The following SORCS1 variants were observed in gnomAD, a reference collection of about 807,000 sequenced individuals.
SORCS1 encodes the protein VPS10 domain-containing receptor SorCS1.
Under a neutral mutation model 146.1 loss-of-function variants are expected in SORCS1, and 60 were observed. That is an observed-to-expected ratio of 0.41 (90% CI 0.33 to 0.51). The LOEUF (loss-of-function observed/expected upper bound fraction) is 0.51, where lower values mean the gene tolerates loss of function less well. Ranked by LOEUF, SORCS1 falls within the 20% of genes least tolerant of loss-of-function variation. The pLI, the probability that SORCS1 is intolerant of heterozygous loss-of-function variation, is 0.21. For missense variants in SORCS1, 1,352 were observed against 1,487.6 expected (o/e 0.91, Z 1.50); for synonymous variants, 637 against 584.0 (o/e 1.09, Z -1.31).
intron 3 of SORCS1, among the ~76,000 whole-genome samples, chr10:106,803,521 G>T (rs1173470150): frequency 6.6e-6 from 1 of 152,142 alleles, no homozygotes; most frequent in Non-Finnish European, 1.5e-5. Flanking sequence ...CCTCTTGATA[G>T]CATGGCTGAA....
chr10:106,986,755 GTCCAT>G (rs1956495445), intron 1 of SORCS1, among the ~76,000 whole-genome samples: 1 of 152,058 alleles, frequency 6.6e-6, no homozygotes, highest in African/African-American at 2.4e-5. Flanking sequence ...TCTCCACTCT[GTCCAT>G]TCAATAAATA....
intron 3 of SORCS1, among the ~76,000 whole-genome samples, chr10:106,821,523 A>T (rs959269976): frequency 6.6e-6 from 1 of 152,246 alleles, no homozygotes; most frequent in Non-Finnish European, 1.5e-5. Flanking sequence ...TTCATGATTA[A>T]TATGTAATGC....
intron 1 of SORCS1, among the ~76,000 whole-genome samples, chr10:107,035,164 T>A (rs894146077): frequency 2.6e-5 from 4 of 151,090 alleles, no homozygotes; most frequent in Non-Finnish European, 5.9e-5. Flanking sequence ...CAGATCCAGA[T>A]GATTTCCAGG....
chr10:106,648,068 T>C (rs1175947401), intron 18 of SORCS1, among the ~76,000 whole-genome samples: 1 of 152,012 alleles, frequency 6.6e-6, no homozygotes, highest in African/African-American at 2.4e-5. Flanking sequence ...TTGGTAGTTG[T>C]CCAAGCTGGT....
chr10:106,811,569 G>A (rs1394482286), intron 3 of SORCS1, among the ~76,000 whole-genome samples: 4 of 152,090 alleles, frequency 2.6e-5, no homozygotes, highest in Non-Finnish European at 4.4e-5. Flanking sequence ...TCATATATGC[G>A]GACGTTTAAG....
chr10:107,098,473 A>G (rs973347571), intron 1 of SORCS1, among the ~76,000 whole-genome samples: 24 of 152,110 alleles, frequency 1.6e-4, no homozygotes, highest in African/African-American at 5.8e-4. Flanking sequence ...GGTTTTTTCC[A>G]CCATTCAGCA....
intron 6 of SORCS1, among the ~76,000 whole-genome samples, chr10:106,709,566 A>G (rs887355977): frequency 6.7e-6 from 1 of 148,692 alleles, no homozygotes; most frequent in African/African-American, 2.5e-5. Context: ...CTCCTGCCTC[A>G]GCCTCCTGAG....
chr10:107,002,770 A>AT (rs1957271923), intron 1 of SORCS1, among the ~76,000 whole-genome samples: 2 of 152,170 alleles, frequency 1.3e-5, no homozygotes, highest in Non-Finnish European at 1.5e-5. Flanking sequence ...AACAAGTCTG[A>AT]TTTTAAAACC....
intron 1 of SORCS1, among the ~76,000 whole-genome samples, chr10:107,074,381 C>T (rs188769711): frequency 5.3e-5 from 8 of 152,218 alleles, no homozygotes; most frequent in Admixed American, 4.6e-4. Context: ...TAGCTCATTT[C>T]TGATTAGGGC....
At chr10:106,705,812 C>T (rs1854476299) in intron 8 of SORCS1, among the ~76,000 whole-genome samples, 1 of 152,174 alleles carries the variant, frequency 6.6e-6, no homozygotes, top group Non-Finnish European at 1.5e-5. Flanking sequence ...GGAAAGACAG[C>T]CTGGGGATGT....
intron 1 of SORCS1, among the ~76,000 whole-genome samples, chr10:106,998,642 G>C (rs1437156198): frequency 6.6e-6 from 1 of 152,172 alleles, no homozygotes; most frequent in East Asian, 1.9e-4. Context: ...ATTAAGAGAA[G>C]GGCAGAATGC....
chr10:107,080,437 T>G (rs571252513), intron 1 of SORCS1, among the ~76,000 whole-genome samples: 2 of 152,136 alleles, frequency 1.3e-5, no homozygotes, highest in East Asian at 3.8e-4. Flanking sequence ...TTAAAGACAA[T>G]TTTTGTCCTC....
intron 18 of SORCS1, among the ~76,000 whole-genome samples, chr10:106,651,962 C>T (rs4917482): frequency 0.034 from 5,217 of 152,284 alleles, 137 homozygotes; most frequent in African/African-American, 0.062. Flanking sequence ...GCATGACCAT[C>T]GTGTTGCCCT....
At chr10:106,684,319 C>T (rs1023480215) in intron 10 of SORCS1, among the ~76,000 whole-genome samples, 2 of 152,144 alleles carry the variant, frequency 1.3e-5, no homozygotes, top group African/African-American at 2.4e-5. Flanking sequence ...GCCTGGGTGA[C>T]AAAGTGAGAC....
rs915804835 is a variant in SORCS1 at position 106,657,688 on chromosome 10, T to C, written c.2304-5135A>G. 3.4e-5 allele frequency among the ~76,000 whole-genome samples: 5 copies of C among 148,468 alleles called. No individual in the cohort carries two copies. The East Asian group carries it at 8.3e-4, about 25-fold the overall frequency. ...GTGTGTGTGTGTGTGTGTGTGTGTGTGTATTTTTTTCAAGAAAATAAATAA... is the reference window on the plus strand; with the variant it reads ...GTGTGTGTGTGTGTGTGTGTGTGTGCGTATTTTTTTCAAGAAAATAAATAA... On this transcript the variant is annotated intron_variant, in intron 17 of 25. Transcript: ENST00000263054.
At chr10:106,679,473 G>T in intron 11 of SORCS1, 141 bp from the exon 12 acceptor site, 2 of 938,362 alleles carry the variant, frequency 2.1e-6, no homozygotes, top group Non-Finnish European at 3.2e-6. Context: ...CTTGCTTCAG[G>T]TCCAATGGTT....
At chr10:107,072,321 C>G (rs1962499489) in intron 1 of SORCS1, among the ~76,000 whole-genome samples, 1 of 152,164 alleles carries the variant, frequency 6.6e-6, no homozygotes, top group African/African-American at 2.4e-5. Flanking sequence ...CTAATAATAA[C>G]TGGCACGCAA....
intron 2 of SORCS1, among the ~76,000 whole-genome samples, chr10:106,920,763 G>A (rs1377019858): frequency 6.6e-6 from 1 of 152,162 alleles, no homozygotes; most frequent in East Asian, 1.9e-4. Flanking sequence ...TTTCTTGGGT[G>A]CGCTCTTTAG....
At chr10:107,150,170 T>G (rs1295834145) in intron 1 of SORCS1, among the ~76,000 whole-genome samples, 1 of 152,244 alleles carries the variant, frequency 6.6e-6, no homozygotes, top group East Asian at 1.9e-4. Flanking sequence ...TATTCATCTT[T>G]GTATTCCCAG....
Sources: allele counts gnomAD v4.1 joint callset (sites outside exome capture counted in the v4.1 genomes callset), GRCh38; gene constraint gnomAD v4.1.1; transcripts MANE v1.5; gene names NCBI Gene and HGNC (gene_info 2026-07-23, HGNC 2026-07-21).